The following RAPGEF2 variants were observed in gnomAD, a reference collection of about 807,000 sequenced individuals.
RAPGEF2 encodes the protein PDZ domain containing guanine nucleotide exchange factor (GEF) 1.
RAPGEF2 carries 54 observed loss-of-function variants against 186.7 expected under a neutral mutation model. The ratio of observed to expected loss-of-function variants is 0.29; its 90% CI spans 0.23 to 0.36. The LOEUF (loss-of-function observed/expected upper bound fraction) is 0.36. RAPGEF2 is among the 10% of genes least tolerant of loss of function. The pLI, the probability that RAPGEF2 is intolerant of heterozygous loss-of-function variation, is 1.00. For missense variants in RAPGEF2, 1,532 were observed against 2,045.0 expected (o/e 0.75, Z 4.84); for synonymous variants, 712 against 705.9 (o/e 1.01, Z -0.14).
intron 7 of RAPGEF2, among the ~76,000 whole-genome samples, chr4:159,296,205 A>G (rs1214314791): frequency 6.6e-6 from 1 of 152,228 alleles, no homozygotes; most frequent in Non-Finnish European, 1.5e-5. Flanking sequence ...GTTATACAGC[A>G]CTGTGTCATT....
intron 1 of RAPGEF2, among the ~76,000 whole-genome samples, chr4:159,107,334 A>G (rs879591009): frequency 2.0e-5 from 3 of 152,226 alleles, no homozygotes; most frequent in Non-Finnish European, 4.4e-5. Context: ...AAAGATGTAA[A>G]TAAATTACAA....
intron 7 of RAPGEF2, among the ~76,000 whole-genome samples, chr4:159,277,491 G>A (rs1197109727): frequency 6.6e-6 from 1 of 152,146 alleles, no homozygotes; most frequent in Non-Finnish European, 1.5e-5. Flanking sequence ...GATCCCTGAG[G>A]AATCGCCACA....
intron 1 of RAPGEF2, among the ~76,000 whole-genome samples, chr4:159,182,518 C>T (rs1014059166): frequency 6.6e-6 from 1 of 151,182 alleles, no homozygotes; most frequent in African/African-American, 2.4e-5. Context: ...GCCTTAGCCT[C>T]CCAAGTAGCT....
At chr4:159,175,547 G>T (rs909233926) in intron 1 of RAPGEF2, among the ~76,000 whole-genome samples, 1 of 152,148 alleles carries the variant, frequency 6.6e-6, no homozygotes, top group Non-Finnish European at 1.5e-5. Context: ...TGATGGACTT[G>T]TTCCCGACTT....
chr4:159,265,463 G>A (rs1321738863), intron 7 of RAPGEF2, among the ~76,000 whole-genome samples: 4 of 152,170 alleles, frequency 2.6e-5, no homozygotes, highest in Non-Finnish European at 5.9e-5. Flanking sequence ...GAAATAACAT[G>A]TGCAAAGGCC....
At position 159,323,539 on chromosome 4, in the gene RAPGEF2, A is replaced by C. The variant is rs1182730083; in HGVS notation, c.1071A>C (p.Gly357=). The C allele has an allele frequency of 9.3e-6, 15 of 1,613,300 alleles. No homozygotes were observed. The highest frequency in any genetic ancestry group is 1.3e-5 in the Non-Finnish European group (15 of 1,179,546). The stretch of plus-strand genomic sequence containing the variant: ...GAAAAGCAGAAATACTGTGCATGGG[A>C]AATAGTTTTGGTGTCTCTCCTACCA... ...PDGKAEILCM[G]NSFGVSPTMD... is the part of the protein sequence containing the mutation. Residue 357 remains glycine, a synonymous_variant, in exon 11 of 30, where the codon GGA becomes GGC. Transcript: ENST00000691494.
chr4:159,141,735 A>G (rs911423054), intron 1 of RAPGEF2, among the ~76,000 whole-genome samples: 9 of 152,334 alleles, frequency 5.9e-5, no homozygotes, highest in African/African-American at 2.2e-4. Flanking sequence ...ACTTTTGCCA[A>G]TCTGAGAAGT....
chr4:159,196,659 C>T (rs995815129), intron 3 of RAPGEF2, among the ~76,000 whole-genome samples: 2 of 152,232 alleles, frequency 1.3e-5, no homozygotes, highest in Non-Finnish European at 2.9e-5. Flanking sequence ...TTTAGAGCAG[C>T]ATGTTCAGAA....
chr4:159,145,378 G>T (rs918773159), intron 1 of RAPGEF2, among the ~76,000 whole-genome samples: 9 of 152,106 alleles, frequency 5.9e-5, no homozygotes, highest in African/African-American at 2.2e-4. Flanking sequence ...TAAAATAAAT[G>T]TTATTTAACC....
At chr4:159,303,733 T>C (rs573738648) in intron 7 of RAPGEF2, among the ~76,000 whole-genome samples, 1 of 152,190 alleles carries the variant, frequency 6.6e-6, no homozygotes, top group African/African-American at 2.4e-5. Flanking sequence ...ATAGAGACTA[T>C]TTTTATTTAA....
chr4:159,228,023 G>A lies in RAPGEF2; in HGVS notation c.282-10786G>A, dbSNP rs189342885. Among the ~76,000 whole-genome samples, 168 of 151,908 alleles carry A rather than the reference G, an allele frequency of 1.1e-3. 1 individual carries two copies. The highest frequency in any genetic ancestry group is 3.9e-3 in the African/African-American group (162 of 41,238). ...ATTGCAGATTTCCCTACTTGCCCTCGACTTACAAGAGAGTAGATAATGAAT... is the reference window on the plus strand; with the variant it reads ...ATTGCAGATTTCCCTACTTGCCCTCAACTTACAAGAGAGTAGATAATGAAT... On this transcript the variant is annotated intron_variant, in intron 4 of 29. Coordinates refer to ENST00000691494, the MANE Select transcript of RAPGEF2 (RefSeq NM_001394067.2).
chr4:159,131,696 G>A (rs1038390103), intron 1 of RAPGEF2, among the ~76,000 whole-genome samples: 6 of 151,520 alleles, frequency 4.0e-5, no homozygotes, highest in South Asian at 2.1e-4. Context: ...AACGTCTTTC[G>A]CGTTGTTGTG....
chr4:159,327,783 A>C (rs1490370595), intron 11 of RAPGEF2: 1 of 152,282 alleles, frequency 6.6e-6, no homozygotes, highest in African/African-American at 2.4e-5. Flanking sequence ...TTTAAAAAAG[A>C]TAAATATTTT....
intron 4 of RAPGEF2, among the ~76,000 whole-genome samples, chr4:159,217,262 C>G (rs927294694): frequency 1.3e-5 from 2 of 152,082 alleles, no homozygotes; most frequent in Non-Finnish European, 1.5e-5. Flanking sequence ...TTTGATTGAA[C>G]CCATCACCCA....
At position 159,159,823 on chromosome 4, in the gene RAPGEF2, A is replaced by C. The variant is rs566466409; in HGVS notation, c.70-26819A>C. Among the ~76,000 whole-genome samples, 60 of 152,378 alleles carry C rather than the reference A, an allele frequency of 3.9e-4. 1 individual carries two copies. In the South Asian group the frequency reaches 0.012, roughly 32 times the overall value. ...TCGTATAGCAGCATCCTATTTATAG[A>C]TGGAAGCAGCTGCATCCTTTTTCTT... is the stretch of plus-strand genomic sequence containing the variant. On this transcript the variant is annotated intron_variant, in intron 1 of 29. Coordinates refer to ENST00000691494, the MANE Select transcript of RAPGEF2 (RefSeq NM_001394067.2).
Position 159,304,354 on chromosome 4 carries a change from T to G in RAPGEF2, c.556T>G (p.Phe186Val). ...ECTKSQLPAD[F>V]TKLHLTDSLH... ...GCTCCTTCCATAGCTTCCTGCAGAT[T>G]TCACAAAACTGCATCTTACTGACAG... The change falls in exon 8 of 30, where the codon TTC becomes GTC. Residue 186 changes from phenylalanine (F) to valine (V), a missense_variant. Phe to Val is a conservative substitution (Grantham distance 50). Transcript: ENST00000691494. 1 of 1,605,262 alleles carries G rather than the reference T, an allele frequency of 6.2e-7. No homozygotes were observed. Among genetic ancestry groups the G allele is most frequent in the Non-Finnish European group, 8.5e-7 (1 of 1,173,478 alleles).
chr4:159,278,868 T>G (rs749701122), intron 7 of RAPGEF2, among the ~76,000 whole-genome samples: 18 of 152,188 alleles, frequency 1.2e-4, no homozygotes, highest in Non-Finnish European at 2.2e-4. Context: ...ACAATTCTTA[T>G]ATTTTTGTAG....
rs550488440 is a variant in RAPGEF2, at chr4:159,263,823, A to G, written c.543+20032A>G. On this transcript the variant is annotated intron_variant, in intron 7 of 29. Coordinates refer to ENST00000691494, the MANE Select transcript of RAPGEF2 (RefSeq NM_001394067.2). ...ATTAGAAAGTGAATACTTTAGGTGG[A>G]AAAAAAAAGAATATAATGATATTAA... Among the ~76,000 whole-genome samples, 15 of 151,496 alleles carry G rather than the reference A, an allele frequency of 9.9e-5. No individual in the cohort carries two copies. The East Asian group carries it at 2.5e-3, about 25-fold the overall frequency.
chr4:159,150,779 G>C (rs1301176842), intron 1 of RAPGEF2, among the ~76,000 whole-genome samples: 1 of 152,176 alleles, frequency 6.6e-6, no homozygotes, highest in Non-Finnish European at 1.5e-5. Context: ...TCACGAATAC[G>C]GAATCCTTGA....
Sources: allele counts gnomAD v4.1 joint callset (sites outside exome capture counted in the v4.1 genomes callset), GRCh38; gene constraint gnomAD v4.1.1; transcripts MANE v1.5; gene names NCBI Gene and HGNC (gene_info 2026-07-23, HGNC 2026-07-21).